The following SLC6A19 variants were observed in gnomAD, a reference collection of about 807,000 sequenced individuals.
SLC6A19 encodes the protein sodium-dependent neutral amino acid transporter B(0)AT1.
A neutral mutation model predicts 68.3 loss-of-function variants in SLC6A19; 67 were observed. The observed-to-expected ratio is 0.98, with a 90% CI of 0.81 to 1.20. The LOEUF (loss-of-function observed/expected upper bound fraction) is 1.20. SLC6A19 is among the 50% of genes most tolerant of loss of function. The pLI, the probability that SLC6A19 is intolerant of heterozygous loss-of-function variation, is 0.00. For missense variants in SLC6A19, 813 were observed against 851.6 expected (o/e 0.95, Z 0.56); for synonymous variants, 392 against 374.9 (o/e 1.05, Z -0.53).
chr5:1,203,203 C>A (rs1007925091), intron 1 of SLC6A19, among the ~76,000 whole-genome samples: 2 of 152,150 alleles, frequency 1.3e-5, no homozygotes, highest in Non-Finnish European at 2.9e-5. Flanking sequence ...CCTGAGCCTG[C>A]CTGGGAAGTT....
At chr5:1,219,472 G>A (rs747528802) in intron 9 of SLC6A19, 33 bp from the exon 10 acceptor site, 10 of 1,607,254 alleles carry the variant, frequency 6.2e-6, no homozygotes, top group Non-Finnish European at 7.6e-6. Context: ...GCAGCCCCTG[G>A]GCGTGTGAGC....
chr5:1,207,084 G>T (rs565408148), intron 1 of SLC6A19, among the ~76,000 whole-genome samples: 5 of 152,210 alleles, frequency 3.3e-5, no homozygotes, highest in African/African-American at 7.2e-5. Context: ...GGTAGGAGAC[G>T]CACTGCGCGG....
intron 1 of SLC6A19, among the ~76,000 whole-genome samples, chr5:1,204,782 T>G (rs1745807615): frequency 6.6e-6 from 1 of 152,246 alleles, no homozygotes; most frequent in African/African-American, 2.4e-5. Flanking sequence ...CACAGCTGTT[T>G]CCAGCTGTCT....
chr5:1,220,023 T>G (rs1485236604), intron 10 of SLC6A19, among the ~76,000 whole-genome samples: 1 of 152,088 alleles, frequency 6.6e-6, no homozygotes, highest in African/African-American at 2.4e-5. Flanking sequence ...CTTATTTCCC[T>G]GATGCTCCAG....
rs1264485363 is a variant in SLC6A19, at chr5:1,221,293, A to G, written c.1681A>G (p.Ser561Gly). ...VVEVSQELTY[S>G]IWDPGYEEFP... ...AGAGGTCAGTCAGGAGCTGACCTAC[A>G]GCATCTGGGACCCTGGCTACGTAAG... The change falls in exon 11 of 12, where the codon AGC (serine) becomes GGC (glycine). Residue 561 changes from serine (S) to glycine (G), a missense_variant. Coordinates refer to ENST00000304460, the MANE Select transcript of SLC6A19 (RefSeq NM_001003841.3). 3 of 1,613,880 alleles carry G rather than the reference A, an allele frequency of 1.9e-6. No homozygotes were observed. Among genetic ancestry groups the G allele is most frequent in the Non-Finnish European group, 2.5e-6 (3 of 1,180,006 alleles).
chr5:1,207,422 C>T (rs899565077), intron 1 of SLC6A19, among the ~76,000 whole-genome samples: 1 of 152,210 alleles, frequency 6.6e-6, no homozygotes, highest in African/African-American at 2.4e-5. Flanking sequence ...GCGGCCAGGC[C>T]CCTTCTCTGG....
rs1746082228 is a variant in SLC6A19, at chr5:1,212,841, G to T, written c.663+357G>T. ...AGGAAAGTGGAAATGGAAGAGTAAG[G>T]CTTGATCTTCCCCTACATGGGAATC... On this transcript the variant is annotated intron_variant, in intron 4 of 11. Transcript: ENST00000304460. The surrounding 1 kb of genome is among the most constrained non-coding windows in gnomAD (Gnocchi z 5.1). Among the ~76,000 whole-genome samples, 1 of 152,088 alleles carries T rather than the reference G, an allele frequency of 6.6e-6. No individual in the cohort carries two copies. The highest frequency in any genetic ancestry group is 2.1e-4 in the South Asian group (1 of 4,834).
intron 10 of SLC6A19, among the ~76,000 whole-genome samples, chr5:1,220,466 T>C (rs796369365): frequency 2.7e-5 from 4 of 150,912 alleles, no homozygotes; most frequent in African/African-American, 4.9e-5. Flanking sequence ...TCAGTTAACA[T>C]TGAGCAGGCA....
At chr5:1,211,098 G>T (rs1241264478) in intron 3 of SLC6A19, among the ~76,000 whole-genome samples, 1 of 152,224 alleles carries the variant, frequency 6.6e-6, no homozygotes, top group Non-Finnish European at 1.5e-5. Context: ...CGTGGTCCTG[G>T]GGCCTGAACG....
intron 11 of SLC6A19, 47 bp from the exon 12 acceptor site, chr5:1,221,654 C>T (rs373753149): frequency 7.6e-5 from 122 of 1,609,820 alleles, no homozygotes; most frequent in Non-Finnish European, 9.8e-5. Flanking sequence ...AAAGTGAACC[C>T]CACTGGCTCC....
intron 7 of SLC6A19, 34 bp downstream of exon 7, chr5:1,216,720 G>A: frequency 6.2e-7 from 1 of 1,613,662 alleles, no homozygotes; most frequent in Non-Finnish European, 8.5e-7. Flanking sequence ...GGTGCCTTGG[G>A]CTGCGCCTCC....
In SLC6A19 at chr5:1,221,955, C is replaced by A. The variant is rs1402948509; in HGVS notation, c.*51C>A. The A allele has an allele frequency of 1.3e-6, 2 of 1,597,380 alleles. No homozygotes were observed. Among genetic ancestry groups the A allele is most frequent in the Non-Finnish European group, 1.7e-6 (2 of 1,169,058 alleles). On this transcript the variant is annotated 3_prime_UTR_variant, in exon 12 of 12. Transcript: ENST00000304460. ...ACACTGGTGTCAGGGAAGGAGGAAC[C>A]AGCAAGACCTGTGGGGTGGGGGCCG...
At position 1,222,971 on chromosome 5, in the gene SLC6A19, ACT is replaced by A. The variant is rs1746437954; in HGVS notation, c.*1070_*1071del. The A allele has an allele frequency of 6.6e-6, 1 of 151,752 alleles. No individual in the cohort carries two copies. Among genetic ancestry groups the A allele is most frequent in the African/African-American group, 2.4e-5 (1 of 41,264 alleles). 9.4% of individuals were successfully genotyped at this position (151,752 alleles called of 1,614,324 possible). On this transcript the variant is annotated 3_prime_UTR_variant, in exon 12 of 12. Coordinates refer to ENST00000304460, the MANE Select transcript of SLC6A19 (RefSeq NM_001003841.3). ...GGTACTATCTTGGCTCCTGGGAGCG[ACT>A]CTTGCTACCCACCCCCACCCATCCC...
chr5:1,221,088 G>A, intron 10 of SLC6A19, 63 bp from the exon 11 acceptor site: 1 of 1,586,064 alleles, frequency 6.3e-7, no homozygotes. Flanking sequence ...AGAACGTACA[G>A]AAAGCTTAGC....
intron 1 of SLC6A19, among the ~76,000 whole-genome samples, chr5:1,207,533 T>C (rs763653697): frequency 2.6e-5 from 4 of 152,258 alleles, no homozygotes; most frequent in Non-Finnish European, 5.9e-5. Flanking sequence ...AATGTGAGTG[T>C]GAAATCCTTC....
Position 1,214,666 on chromosome 5 carries a change from A to G in SLC6A19, c.887+601A>G, listed in dbSNP as rs140359252. ...CTGTGGCTCTGCAGGTTGACAAGCAAGTGCAGAAGTTGTCCTCTGTGTGGT... is the reference window on the plus strand; with the variant it reads ...CTGTGGCTCTGCAGGTTGACAAGCAGGTGCAGAAGTTGTCCTCTGTGTGGT... On this transcript the variant is annotated intron_variant, in intron 6 of 11. Transcript: ENST00000304460. The surrounding 1 kb of genome is among the most constrained non-coding windows in gnomAD (Gnocchi z 7.4). Among the ~76,000 whole-genome samples, 152 of 152,264 alleles carry G rather than the reference A, an allele frequency of 1.0e-3. 2 individuals are homozygous for G. In the East Asian group the frequency reaches 0.021, roughly 21 times the overall value.
chr5:1,213,574 G>T lies in SLC6A19; in HGVS notation c.774+1G>T, dbSNP rs554777392. 41 of 1,611,240 alleles carry T rather than the reference G, an allele frequency of 2.5e-5. No individual in the cohort carries two copies. Among genetic ancestry groups the T allele is most frequent in the Non-Finnish European group, 3.3e-5 (39 of 1,179,176 alleles). Reference sequence around the variant, plus strand: ...CATCGTCTTCCTCTTCACGCCCAACGTAAGTCCCCGAGGCTGCCCTGGGCC... The same window carrying T: ...CATCGTCTTCCTCTTCACGCCCAACTTAAGTCCCCGAGGCTGCCCTGGGCC... On this transcript the variant is annotated splice_donor_variant, in intron 5 of 11. Transcript: ENST00000304460. LOFTEE classifies it high-confidence loss of function.
Position 1,201,648 on chromosome 5 carries a change from A to T in SLC6A19, c.-3A>T, listed in dbSNP as rs1386046617. The T allele has an allele frequency of 1.9e-6, 3 of 1,605,258 alleles. No homozygotes were observed. Among genetic ancestry groups the T allele is most frequent in the Non-Finnish European group, 2.5e-6 (3 of 1,179,208 alleles). On this transcript the variant is annotated 5_prime_UTR_variant, in exon 1 of 12. Transcript: ENST00000304460. Reference sequence around the variant, plus strand: ...CTGTGTGCGGAGCCGTCCAGCGACCACCATGGTGAGGCTCGTGCTGCCCAA... The same window carrying T: ...CTGTGTGCGGAGCCGTCCAGCGACCTCCATGGTGAGGCTCGTGCTGCCCAA...
intron 9 of SLC6A19, 95 bp from the exon 10 acceptor site, chr5:1,219,410 G>T: frequency 1.9e-6 from 3 of 1,541,534 alleles, no homozygotes; most frequent in Non-Finnish European, 2.6e-6. Context: ...TCTGTCCCTG[G>T]CCATATGTGC....
Sources: allele counts gnomAD v4.1 joint callset (sites outside exome capture counted in the v4.1 genomes callset), GRCh38; gene constraint gnomAD v4.1.1; non-coding constraint Gnocchi (gnomAD v3.1); transcripts MANE v1.5; gene names NCBI Gene and HGNC (gene_info 2026-07-23, HGNC 2026-07-21).